Variants in SLC8A1 observed in about 807,000 individuals in gnomAD.
The protein encoded by SLC8A1 is solute carrier family 8 member A1.
A neutral mutation model predicts 68.3 loss-of-function variants in SLC8A1; 18 were observed. That is an observed-to-expected ratio of 0.26 (90% confidence interval 0.18 to 0.39). The LOEUF (loss-of-function observed/expected upper bound fraction) is 0.39. Among genes scored for constraint, SLC8A1 ranks in the 10% least tolerant of loss-of-function variants. The pLI is 1.00. For missense variants in SLC8A1, 985 were observed against 1,156.7 expected, an observed-to-expected ratio of 0.85 and a Z score of 2.15; for synonymous variants, 475 against 415.5, an observed-to-expected ratio of 1.14 and a Z score of -1.74.
At chr2:40,177,033 A>G (rs111970993) in intron 3 of SLC8A1, among the ~76,000 whole-genome samples, 100 of 98,710 alleles carry the variant, frequency 1.0e-3, no homozygotes, top group African/African-American at 3.5e-3. Flanking sequence ...TATAAAGGAC[A>G]CTACTTTTAT....
At chr2:40,399,554 A>C (rs551050989) in intron 2 of SLC8A1, among the ~76,000 whole-genome samples, 1 of 152,288 alleles carries the variant, frequency 6.6e-6, no homozygotes, top group South Asian at 2.1e-4. Flanking sequence ...AAATAAAAAG[A>C]CTGCAATTTT....
chr2:40,158,803 C>T (rs114246814), intron 6 of SLC8A1, among the ~76,000 whole-genome samples: 2,172 of 152,178 alleles, frequency 0.014, 64 homozygotes, highest in African/African-American at 0.049. Flanking sequence ...CGTAAGATAA[C>T]GATAATTATA....
rs1013540342 is a variant in SLC8A1 at position 40,307,682 on chromosome 2, T to C, written c.1808+120791A>G. The stretch of plus-strand genomic sequence containing the variant: ...GACTTCTTTACATAAGTAGCCAAGC[T>C]CCTGGTTACCAGAGGTGTGTCTGGT... On this transcript the variant is annotated intron_variant, in intron 2 of 7. Transcript: ENST00000406785. Among the ~76,000 whole-genome samples, 13 of 152,188 alleles carry C rather than the reference T, an allele frequency of 8.5e-5. 1 individual carries two copies. Among genetic ancestry groups the C allele is most frequent in the Admixed American group, 7.9e-4 (12 of 15,274 alleles).
intron 2 of SLC8A1, among the ~76,000 whole-genome samples, chr2:40,375,184 G>T (rs983875891): frequency 2.0e-5 from 3 of 151,960 alleles, no homozygotes; most frequent in Non-Finnish European, 4.4e-5. Flanking sequence ...TTGAAGGAAT[G>T]CTCAGTTAAT....
intron 1 of SLC8A1, among the ~76,000 whole-genome samples, chr2:40,484,697 A>G (rs1423635351): frequency 2.0e-5 from 3 of 152,214 alleles, no homozygotes; most frequent in Non-Finnish European, 4.4e-5. Context: ...GAATAAGGAA[A>G]GGAGGGCTGA....
At chr2:40,432,376 T>G (rs1435411762) in intron 1 of SLC8A1, among the ~76,000 whole-genome samples, 1 of 142,848 alleles carries the variant, frequency 7.0e-6, no homozygotes, top group Non-Finnish European at 1.5e-5. Flanking sequence ...CAGAACAATC[T>G]ATAGAGGACA....
intron 2 of SLC8A1, among the ~76,000 whole-genome samples, chr2:40,267,597 A>G (rs1464709152): frequency 6.6e-6 from 1 of 152,216 alleles, no homozygotes. Flanking sequence ...AATAATTGCC[A>G]TGCCTGGTAT....
At chr2:40,224,341 G>T (rs138493652) in intron 2 of SLC8A1, among the ~76,000 whole-genome samples, 1 of 152,208 alleles carries the variant, frequency 6.6e-6, no homozygotes, top group East Asian at 1.9e-4. Context: ...CATAAGATTT[G>T]CTTGGAATCT....
At chr2:40,424,992 A>C (rs562712038) in intron 2 of SLC8A1, among the ~76,000 whole-genome samples, 1 of 151,780 alleles carries the variant, frequency 6.6e-6, no homozygotes, top group African/African-American at 2.4e-5. Flanking sequence ...AAATGTGTAG[A>C]TATTACCTAC....
chr2:40,470,549 C>A (rs1466199221), intron 1 of SLC8A1, among the ~76,000 whole-genome samples: 1 of 151,354 alleles, frequency 6.6e-6, no homozygotes, highest in Non-Finnish European at 1.5e-5. Flanking sequence ...TAATATAGAC[C>A]TATATTAACA....
intron 7 of SLC8A1, chr2:40,118,618 T>G (rs1395862899): frequency 2.1e-5 from 3 of 144,136 alleles, no homozygotes; most frequent in Non-Finnish European, 3.1e-5. Context: ...TTTTTTTTTT[T>G]TTTTTTTTTT....
chr2:40,410,560 T>A (rs1030229020), intron 2 of SLC8A1, among the ~76,000 whole-genome samples: 1 of 152,088 alleles, frequency 6.6e-6, no homozygotes, highest in Non-Finnish European at 1.5e-5. Context: ...TAATTATTTT[T>A]AAAATGTATT....
At chr2:40,230,472 G>A (rs1260099711) in intron 2 of SLC8A1, among the ~76,000 whole-genome samples, 1 of 152,082 alleles carries the variant, frequency 6.6e-6, no homozygotes, top group African/African-American at 2.4e-5. Context: ...ATGCTGCTTA[G>A]ATCCACAAGG....
intron 1 of SLC8A1, among the ~76,000 whole-genome samples, chr2:40,498,665 A>T (rs1705865668): frequency 1.3e-5 from 2 of 152,128 alleles, no homozygotes; most frequent in Non-Finnish European, 2.9e-5. Context: ...CTCTAGATGA[A>T]TAGTGAGTGG....
intron 7 of SLC8A1, among the ~76,000 whole-genome samples, chr2:40,116,312 T>A (rs1398088255): frequency 2.0e-5 from 3 of 152,164 alleles, no homozygotes; most frequent in Non-Finnish European, 4.4e-5. Flanking sequence ...ACTTTTTTAT[T>A]ATTATTTTTT....
intron 1 of SLC8A1, among the ~76,000 whole-genome samples, chr2:40,499,469 C>G (rs1290216342): frequency 6.6e-6 from 1 of 152,002 alleles, no homozygotes; most frequent in African/African-American, 2.4e-5. Context: ...CCACTGTTAC[C>G]AGGAGCAAAA....
chr2:40,426,250 T>C (rs1559631185), intron 2 of SLC8A1, among the ~76,000 whole-genome samples: 1 of 152,048 alleles, frequency 6.6e-6, no homozygotes, highest in East Asian at 1.9e-4. Flanking sequence ...AAATGAAGTA[T>C]AGTAACAATT....
intron 2 of SLC8A1, among the ~76,000 whole-genome samples, chr2:40,296,073 A>T (rs1349252354): frequency 6.6e-6 from 1 of 152,066 alleles, no homozygotes; most frequent in East Asian, 1.9e-4. Context: ...TGGCTACAAA[A>T]CCTAATAATT....
rs141629956 is a variant in SLC8A1 at position 40,136,978 on chromosome 2, G to A, written c.2437+2423C>T. 8.5e-4 allele frequency among the ~76,000 whole-genome samples: 129 copies of A among 152,274 alleles called. 1 individual carries two copies. The highest frequency in any genetic ancestry group is 2.9e-3 in the African/African-American group (122 of 41,562). On this transcript the variant is annotated intron_variant, in intron 7 of 7. Coordinates refer to ENST00000406785, the Ensembl canonical transcript of SLC8A1. ...CTGCGTCCCGATGGAAAGCATTTAT[G>A]GCAGTGTAGGGAAACTGTTTCAACA... is the stretch of plus-strand genomic sequence containing the variant.
Sources: allele counts gnomAD v4.1 joint callset (sites outside exome capture counted in the v4.1 genomes callset), GRCh38; gene constraint gnomAD v4.1.1; transcripts MANE v1.5; gene names NCBI Gene and HGNC (gene_info 2026-07-23, HGNC 2026-07-21).